The following SPIRE1 variants were observed in gnomAD, a reference collection of about 807,000 sequenced individuals.
SPIRE1 encodes the protein protein spire homolog 1.
Under a neutral mutation model 94.1 loss-of-function variants are expected in SPIRE1, and 40 were observed. That is an observed-to-expected ratio of 0.43 (90% CI 0.33 to 0.55). The LOEUF is 0.55. Ranked by LOEUF, SPIRE1 falls within the 20% of genes least tolerant of loss-of-function variation. The pLI is 0.06. For synonymous variants in SPIRE1, 376 were observed against 371.7 expected, an observed-to-expected ratio of 1.01 and a Z score of -0.13; for missense variants, 838 against 975.2, an observed-to-expected ratio of 0.86 and a Z score of 1.87.
chr18:12,510,624 C>T (rs1024283098), intron 5 of SPIRE1, among the ~76,000 whole-genome samples: 2 of 151,900 alleles, frequency 1.3e-5, no homozygotes, highest in Non-Finnish European at 2.9e-5. Context: ...CTCACCCCAA[C>T]CTCCACCTCC....
rs556465138 is a variant in SPIRE1 at position 12,585,166 on chromosome 18, T to C, written c.373-38262A>G. Among the ~76,000 whole-genome samples, 10 of 152,266 alleles carry C rather than the reference T, an allele frequency of 6.6e-5. No homozygotes were observed. The East Asian group carries it at 7.7e-4, about 12-fold the overall frequency. On this transcript the variant is annotated intron_variant, in intron 2 of 16. Transcript: ENST00000409402. The stretch of plus-strand genomic sequence containing the variant: ...AAACTTACAAATCAGACCAAAAAAA[T>C]TGGATGAAGACTGTCTTAATAATAT...
At chr18:12,494,585 T>C (rs1167336136) in intron 7 of SPIRE1, among the ~76,000 whole-genome samples, 1 of 151,338 alleles carries the variant, frequency 6.6e-6, no homozygotes, top group Admixed American at 6.6e-5. Context: ...ATCCCAGCAC[T>C]TTGGGAGGCC....
intron 5 of SPIRE1, 76 bp downstream of exon 5, chr18:12,512,378 C>T (rs1176647307): frequency 1.2e-5 from 12 of 1,013,562 alleles, no homozygotes; most frequent in African/African-American, 1.7e-5. Flanking sequence ...CAGAATGAGA[C>T]TCTGTCTCAA....
intron 2 of SPIRE1, among the ~76,000 whole-genome samples, chr18:12,565,987 C>T (rs1055411684): frequency 9.0e-5 from 13 of 144,686 alleles, no homozygotes; most frequent in African/African-American, 2.1e-4. Context: ...GAGCCAAGAT[C>T]GTGCCATTGC....
At chr18:12,649,419 A>AT (rs139713401) in intron 1 of SPIRE1, among the ~76,000 whole-genome samples, 2 of 152,076 alleles carry the variant, frequency 1.3e-5, no homozygotes, top group African/African-American at 4.8e-5. Flanking sequence ...TTAAAAAAAA[A>AT]TTTTTTTGAC....
At chr18:12,508,625 C>A (rs2033918376) in intron 5 of SPIRE1, among the ~76,000 whole-genome samples, 1 of 151,978 alleles carries the variant, frequency 6.6e-6, no homozygotes, top group South Asian at 2.1e-4. Context: ...AGACAGTTAC[C>A]CACATTAGAA....
At chr18:12,651,788 G>C (rs1357996302) in intron 1 of SPIRE1, among the ~76,000 whole-genome samples, 1 of 152,104 alleles carries the variant, frequency 6.6e-6, no homozygotes, top group East Asian at 1.9e-4. Flanking sequence ...CTCCAAATTA[G>C]CATGAACCTT....
chr18:12,513,911 C>T (rs889742160), intron 4 of SPIRE1, among the ~76,000 whole-genome samples: 2 of 152,148 alleles, frequency 1.3e-5, no homozygotes, highest in South Asian at 2.1e-4. Context: ...GATGCAATTA[C>T]GGCTCACTGC....
intron 1 of SPIRE1, among the ~76,000 whole-genome samples, chr18:12,649,427 G>C (rs9945047): frequency 5.6e-4 from 85 of 152,000 alleles, no homozygotes; most frequent in African/African-American, 1.9e-3. Flanking sequence ...AAATTTTTTT[G>C]ACTAAAAATT....
intron 6 of SPIRE1, among the ~76,000 whole-genome samples, chr18:12,498,273 G>A (rs1167981465): frequency 6.6e-6 from 1 of 152,278 alleles, no homozygotes; most frequent in East Asian, 1.9e-4. Context: ...TTATTTTCCT[G>A]TAAGTAAACA....
At chr18:12,572,158 C>T (rs77519353) in intron 2 of SPIRE1, among the ~76,000 whole-genome samples, 17 of 152,108 alleles carry the variant, frequency 1.1e-4, no homozygotes, top group African/African-American at 3.6e-4. Context: ...AGAGGAAGAG[C>T]GAGGATGAAG....
chr18:12,455,615 C>T (rs1436607395), intron 12 of SPIRE1, among the ~76,000 whole-genome samples: 1 of 152,204 alleles, frequency 6.6e-6, no homozygotes, highest in South Asian at 2.1e-4. Context: ...AAGAGCCTCA[C>T]ACCCATCCGC....
chr18:12,557,049 A>T (rs904698311), intron 2 of SPIRE1, among the ~76,000 whole-genome samples: 1 of 152,142 alleles, frequency 6.6e-6, no homozygotes, highest in Non-Finnish European at 1.5e-5. Flanking sequence ...AAGTTCTCCA[A>T]GTCCCCACCC....
intron 2 of SPIRE1, among the ~76,000 whole-genome samples, chr18:12,570,190 T>C (rs562014887): frequency 6.6e-6 from 1 of 152,344 alleles, no homozygotes; most frequent in African/African-American, 2.4e-5. Flanking sequence ...ATTTGTCTCC[T>C]TTGCTGGCAT....
intron 10 of SPIRE1, among the ~76,000 whole-genome samples, chr18:12,472,054 G>C (rs1166608955): frequency 6.6e-6 from 1 of 151,982 alleles, no homozygotes; most frequent in Admixed American, 6.6e-5. Flanking sequence ...CAAAGTGCTG[G>C]GATTATAGGT....
intron 10 of SPIRE1, among the ~76,000 whole-genome samples, chr18:12,478,472 C>G (rs1333822590): frequency 1.6e-5 from 2 of 127,406 alleles, no homozygotes; most frequent in African/African-American, 3.1e-5. Flanking sequence ...TGTGCACGCA[C>G]ACATGTGTAG....
intron 2 of SPIRE1, among the ~76,000 whole-genome samples, chr18:12,571,083 T>A (rs749291625): frequency 6.6e-6 from 1 of 152,130 alleles, no homozygotes; most frequent in Non-Finnish European, 1.5e-5. Flanking sequence ...TTTATTAATT[T>A]TATTTTTTTG....
intron 4 of SPIRE1, among the ~76,000 whole-genome samples, chr18:12,528,942 A>C (rs2034604021): frequency 6.6e-6 from 1 of 152,222 alleles, no homozygotes; most frequent in African/African-American, 2.4e-5. Context: ...ACAGTGAATT[A>C]GAGAGAAAAG....
chr18:12,643,300 C>T (rs928306970), intron 1 of SPIRE1, among the ~76,000 whole-genome samples: 3 of 152,146 alleles, frequency 2.0e-5, no homozygotes, highest in Non-Finnish European at 4.4e-5. Context: ...ACTTCACAAG[C>T]TCAAAAATAC....
Sources: gnomAD v4.1 joint callset for allele counts (sites outside exome capture counted in the v4.1 genomes callset) on GRCh38, gnomAD v4.1.1 for gene constraint, MANE v1.5 for transcripts, NCBI Gene and HGNC (gene_info 2026-07-23, HGNC 2026-07-21) for gene names.